Variants in P2RX5 observed in about 807,000 individuals in gnomAD.
P2RX5 encodes P2X purinoceptor 5.
P2RX5 carries 46 observed loss-of-function variants against 54.1 expected under a neutral mutation model. The ratio of observed to expected loss-of-function variants is 0.85; its 90% confidence interval spans 0.67 to 1.09. The LOEUF (loss-of-function observed/expected upper bound fraction) is 1.09. Among genes scored for constraint, P2RX5 ranks in the 50% least tolerant of loss-of-function variants. The pLI is 0.00. For missense variants in P2RX5, 566 were observed against 549.8 expected, an observed-to-expected ratio of 1.03 and a Z score of -0.29; for synonymous variants, 226 against 226.4, an observed-to-expected ratio of 1.00 and a Z score of 0.02.
In P2RX5 at chr17:3,673,292, C is replaced by T; in HGVS notation, c.*576G>A. ...AGTGTCAGAGAATACATATCTTGGGCAGGTCCCAGAAAGCGTCTGCCATCT... is the reference window on the plus strand; with the variant it reads ...AGTGTCAGAGAATACATATCTTGGGTAGGTCCCAGAAAGCGTCTGCCATCT... On this transcript the variant is annotated 3_prime_UTR_variant, in exon 12 of 12. Coordinates refer to ENST00000225328, the MANE Select transcript of P2RX5 (RefSeq NM_002561.4). 1.0e-6 allele frequency: 1 copy of T among 992,370 alleles called. No individual in the cohort carries two copies. The highest frequency in any genetic ancestry group is 1.2e-6 in the Non-Finnish European group (1 of 833,374). 61.5% of individuals were successfully genotyped at this position (992,370 alleles called of 1,614,324 possible).
intron 6 of P2RX5, among the ~76,000 whole-genome samples, chr17:3,689,867 C>T (rs905485819): frequency 6.6e-6 from 1 of 152,000 alleles, no homozygotes; most frequent in Non-Finnish European, 1.5e-5. Flanking sequence ...CGCACGCACA[C>T]ACGCGAACAC....
At chr17:3,696,750 C>A (rs2050766659), upstream of P2RX5, among the ~76,000 whole-genome samples, 1 of 152,182 alleles carries the variant, frequency 6.6e-6, no homozygotes, top group Non-Finnish European at 1.5e-5. Flanking sequence ...GGGAAGAGCT[C>A]CGTTTAAAGC....
chr17:3,679,489 G>T (rs2050179523), intron 11 of P2RX5, 101 bp downstream of exon 11: 6 of 1,046,846 alleles, frequency 5.7e-6, no homozygotes, highest in Middle Eastern at 2.8e-4. Flanking sequence ...TCACACCAGA[G>T]CAGAGGGGTC....
chr17:3,699,917 GGAAAGAAAGAAAGAAAGAAA>G (rs71362545), upstream of P2RX5, among the ~76,000 whole-genome samples: 78 of 75,496 alleles, frequency 1.0e-3, no homozygotes, highest in African/African-American at 2.6e-3. Flanking sequence ...AAGGAAGGAA[GGAAAGAAAGAAAGAAAGAAA>G]GAAAGAAAGA....
the P2RX5 span, among the ~76,000 whole-genome samples, chr17:3,709,282 G>A: frequency 4.2e-3 from 645 of 152,284 alleles, 6 homozygotes; most frequent in African/African-American, 0.015. Flanking sequence ...CTCTGAGGAA[G>A]AGCATTGAAT....
At chr17:3,693,655 T>G (rs2050678648) in intron 1 of P2RX5, among the ~76,000 whole-genome samples, 1 of 152,096 alleles carries the variant, frequency 6.6e-6, no homozygotes. Context: ...GGAGAATCTC[T>G]TGAACCCAGG....
At chr17:3,693,830 C>T (rs2050684129) in intron 1 of P2RX5, among the ~76,000 whole-genome samples, 1 of 146,976 alleles carries the variant, frequency 6.8e-6, no homozygotes. Context: ...CATTCTTCTT[C>T]TTTTTTTTTT....
chr17:3,714,238 T>C, the P2RX5 span, among the ~76,000 whole-genome samples: 2 of 150,968 alleles, frequency 1.3e-5, no homozygotes, highest in Non-Finnish European at 1.5e-5. Flanking sequence ...ATTTTGTTTT[T>C]TTCTTTTTGA....
the P2RX5 span, chr17:3,716,805 A>G: frequency 6.8e-7 from 1 of 1,469,876 alleles, no homozygotes; most frequent in Non-Finnish European, 9.5e-7. Flanking sequence ...TGATCTAGAC[A>G]AGACAAAGAG....
intron 10 of P2RX5, 43 bp from the exon 11 acceptor site, chr17:3,679,827 G>T: frequency 6.4e-7 from 1 of 1,563,070 alleles, no homozygotes. Flanking sequence ...GCCCTGCAGG[G>T]TGCCTCCCCT....
At chr17:3,693,332 G>A (rs751792585) in intron 1 of P2RX5, among the ~76,000 whole-genome samples, 8 of 152,134 alleles carry the variant, frequency 5.3e-5, no homozygotes, top group African/African-American at 1.2e-4. Context: ...TAGAACCCCC[G>A]TATATCACTG....
At chr17:3,679,826 G>T in intron 10 of P2RX5, 42 bp from the exon 11 acceptor site, 1 of 1,568,714 alleles carries the variant, frequency 6.4e-7, no homozygotes, top group Non-Finnish European at 8.7e-7. Flanking sequence ...GGCCCTGCAG[G>T]GTGCCTCCCC....
At chr17:3,716,611 T>C in the P2RX5 span, 3 of 845,518 alleles carry the variant, frequency 3.5e-6, no homozygotes, top group South Asian at 1.5e-5. Context: ...AAGTCAGAGG[T>C]TGGCTGTCCT....
At chr17:3,674,600 A>AC (rs1491475722) in intron 11 of P2RX5, among the ~76,000 whole-genome samples, 2 of 152,200 alleles carry the variant, frequency 1.3e-5, no homozygotes, top group Non-Finnish European at 2.9e-5. Flanking sequence ...TAAAGGGGCA[A>AC]CCTTGCAGCT....
chr17:3,680,625 G>T (rs1485780387), intron 10 of P2RX5, among the ~76,000 whole-genome samples: 7 of 28,714 alleles, frequency 2.4e-4, no homozygotes, highest in Non-Finnish European at 4.2e-4. Context: ...CACCCTGCAG[G>T]CCACCACCCT....
the P2RX5 span, chr17:3,720,463 T>C: frequency 2.5e-6 from 2 of 791,484 alleles, no homozygotes; most frequent in South Asian, 1.4e-5. Flanking sequence ...ACTCACTGTG[T>C]TTGAACAGCC....
chr17:3,714,985 G>T, the P2RX5 span: 1 of 1,208,170 alleles, frequency 8.3e-7, no homozygotes, highest in Non-Finnish European at 1.2e-6. Flanking sequence ...GCCAAAGATA[G>T]CCATCTGTTT....
chr17:3,723,521 C>T, the P2RX5 span: 1 of 1,003,242 alleles, frequency 1.0e-6, no homozygotes, highest in Non-Finnish European at 1.5e-6. Flanking sequence ...TCGGCCCAAG[C>T]GAAGCTCCAG....
At chr17:3,707,654 C>G in the P2RX5 span, among the ~76,000 whole-genome samples, 2 of 152,042 alleles carry the variant, frequency 1.3e-5, no homozygotes, top group East Asian at 1.9e-4. Flanking sequence ...TCCAGACCCC[C>G]CTCTCGGCCC....
Sources: gnomAD v4.1 joint callset for allele counts (sites outside exome capture counted in the v4.1 genomes callset) on GRCh38, gnomAD v4.1.1 for gene constraint, MANE v1.5 for transcripts, NCBI Gene and HGNC (gene_info 2026-07-23, HGNC 2026-07-21) for gene names.